Variants in ACBD6 observed in about 807,000 individuals in gnomAD.
ACBD6 encodes acyl-CoA binding domain containing 6, also known as acyl-CoA-binding domain-containing protein 6.
In ACBD6, 28 loss-of-function variants were observed where a neutral mutation model predicts 37.2. That is an observed-to-expected ratio of 0.75 (90% CI 0.56 to 1.03). The LOEUF (loss-of-function observed/expected upper bound fraction) is 1.03, where lower values mean the gene tolerates loss of function less well. ACBD6 is among the 50% of genes least tolerant of loss of function. The probability of loss-of-function intolerance (pLI) is 0.00; values close to 1 mark genes in which losing one functional copy is unlikely to be tolerated. For missense variants in ACBD6, 340 were observed against 337.4 expected, an observed-to-expected ratio of 1.01 and a Z score of -0.06; for synonymous variants, 113 against 126.8, an observed-to-expected ratio of 0.89 and a Z score of 0.73.
chr1:180,289,561 T>G (rs533192580), intron 7 of ACBD6, among the ~76,000 whole-genome samples: 1 of 152,304 alleles, frequency 6.6e-6, no homozygotes, highest in South Asian at 2.1e-4. Context: ...AACACACATA[T>G]ACCCTCCAAC....
At chr1:180,453,895 C>A (rs1649810055) in intron 3 of ACBD6, among the ~76,000 whole-genome samples, 1 of 152,058 alleles carries the variant, frequency 6.6e-6, no homozygotes, top group South Asian at 2.1e-4. Flanking sequence ...TAAGAGAGGA[C>A]ATAAACAAAT....
chr1:180,279,232 G>C (rs987548913), intron 9 of ACBD6, among the ~76,000 whole-genome samples: 1 of 152,190 alleles, frequency 6.6e-6, no homozygotes, highest in Non-Finnish European at 1.5e-5. Context: ...TCTGCCCCCA[G>C]ACTTAGGAAA....
intron 5 of ACBD6, among the ~76,000 whole-genome samples, chr1:180,397,949 A>G (rs534020522): frequency 3.2e-4 from 49 of 152,174 alleles, no homozygotes; most frequent in African/African-American, 1.1e-3. Flanking sequence ...GCTACTTGGG[A>G]GGATGAGGCA....
At chr1:180,277,334 A>G (rs1649095924) in intron 9 of ACBD6, 1 of 152,174 alleles carries the variant, frequency 6.6e-6, no homozygotes, top group Non-Finnish European at 1.5e-5. Flanking sequence ...GAAGTCTATT[A>G]TGGGGTATAA....
At chr1:180,327,365 C>T (rs1171438371) in intron 6 of ACBD6, among the ~76,000 whole-genome samples, 8 of 152,188 alleles carry the variant, frequency 5.3e-5, no homozygotes. Flanking sequence ...CACAGATTCT[C>T]TCTCCACGCC....
intron 7 of ACBD6, among the ~76,000 whole-genome samples, chr1:180,305,751 G>A (rs1162510573): frequency 6.6e-6 from 1 of 152,022 alleles, no homozygotes; most frequent in Admixed American, 6.5e-5. Flanking sequence ...TCCATTACTG[G>A]GTGTATACCC....
At chr1:180,376,855 A>G (rs1436635424) in intron 6 of ACBD6, among the ~76,000 whole-genome samples, 1 of 152,208 alleles carries the variant, frequency 6.6e-6, no homozygotes, top group African/African-American at 2.4e-5. Context: ...CAAAACATTA[A>G]AGCCAACCAT....
intron 6 of ACBD6, among the ~76,000 whole-genome samples, chr1:180,336,142 C>T (rs1225926061): frequency 2.0e-5 from 3 of 150,116 alleles, no homozygotes; most frequent in Non-Finnish European, 4.4e-5. Flanking sequence ...GAATTGAACT[C>T]AGCTCTGCAC....
chr1:180,438,696 C>T (rs948719422), intron 3 of ACBD6, among the ~76,000 whole-genome samples: 5 of 152,116 alleles, frequency 3.3e-5, no homozygotes, highest in African/African-American at 1.2e-4. Flanking sequence ...CCACTGCCCC[C>T]ATTACTAACA....
chr1:180,446,436 T>C (rs556893146), intron 3 of ACBD6, among the ~76,000 whole-genome samples: 1 of 152,332 alleles, frequency 6.6e-6, no homozygotes, highest in African/African-American at 2.4e-5. Flanking sequence ...ATTAATACTA[T>C]CATTCTAAAC....
rs111899740 is a variant in ACBD6, at chr1:180,431,896, T to C, written c.385-1634A>G. ...CTGGGTTTCGCAATGACTTTTTACA[T>C]GCAATATCAAAAGTATAATCCATGA... is the stretch of plus-strand genomic sequence containing the variant. On this transcript the variant is annotated intron_variant, in intron 3 of 7. Transcript: ENST00000367595. Among the ~76,000 whole-genome samples, 6 of 152,260 alleles carry C rather than the reference T, an allele frequency of 3.9e-5. No individual in the cohort carries two copies. The South Asian group carries it at 1.2e-3, about 32-fold the overall frequency.
chr1:180,481,061 A>G (rs1194963453), intron 3 of ACBD6, among the ~76,000 whole-genome samples: 1 of 151,916 alleles, frequency 6.6e-6, no homozygotes, highest in African/African-American at 2.4e-5. Flanking sequence ...ACAAGATTTT[A>G]TATCAGATCT....
chr1:180,305,557 A>G (rs1403407121), intron 7 of ACBD6, among the ~76,000 whole-genome samples: 1 of 152,214 alleles, frequency 6.6e-6, no homozygotes, highest in Non-Finnish European at 1.5e-5. Flanking sequence ...ATGAGATACC[A>G]TCTCACACCA....
chr1:180,332,206 A>G (rs1558253198), intron 6 of ACBD6, among the ~76,000 whole-genome samples: 2 of 152,170 alleles, frequency 1.3e-5, no homozygotes, highest in Admixed American at 6.5e-5. Flanking sequence ...GCACTTTGTT[A>G]CAGCTGTCCT....
At chr1:180,345,117 CAA>C (rs1652131234) in intron 6 of ACBD6, among the ~76,000 whole-genome samples, 1 of 152,110 alleles carries the variant, frequency 6.6e-6, no homozygotes, top group African/African-American at 2.4e-5. Flanking sequence ...GTCTAGCATT[CAA>C]AGTTAGGTAA....
At chr1:180,468,739 T>C (rs1326307850) in intron 3 of ACBD6, among the ~76,000 whole-genome samples, 1 of 152,204 alleles carries the variant, frequency 6.6e-6, no homozygotes, top group African/African-American at 2.4e-5. Context: ...AAATCAGATA[T>C]TTAAGGCTAT....
At chr1:180,385,624 AAGAG>A (rs747565627) in intron 6 of ACBD6, among the ~76,000 whole-genome samples, 17 of 151,838 alleles carry the variant, frequency 1.1e-4, no homozygotes, top group Non-Finnish European at 2.2e-4. Context: ...CCCTTACAAG[AAGAG>A]AGAGAGACAC....
chr1:180,343,458 GCT>G (rs1652055937), intron 6 of ACBD6, among the ~76,000 whole-genome samples: 1 of 152,092 alleles, frequency 6.6e-6, no homozygotes, highest in African/African-American at 2.4e-5. Context: ...AATCATGGAA[GCT>G]CCCTTCCATT....
intron 6 of ACBD6, among the ~76,000 whole-genome samples, chr1:180,352,570 G>A (rs1017803745): frequency 6.6e-6 from 1 of 152,072 alleles, no homozygotes; most frequent in Admixed American, 6.6e-5. Flanking sequence ...TACTGAGAGG[G>A]GGCCTTAAAA....
Sources: allele counts gnomAD v4.1 joint callset (sites outside exome capture counted in the v4.1 genomes callset), GRCh38; gene constraint gnomAD v4.1.1; transcripts MANE v1.5; gene names NCBI Gene and HGNC (gene_info 2026-07-23, HGNC 2026-07-21).